The following PKIB variants were observed in gnomAD, a reference collection of about 807,000 sequenced individuals.
PKIB encodes the protein cAMP-dependent protein kinase inhibitor beta.
A neutral mutation model predicts 4.5 loss-of-function variants in PKIB; 2 were observed. The ratio of observed to expected loss-of-function variants is 0.44; its 90% CI spans 0.18 to 1.39. The LOEUF is 1.39. Ranked by LOEUF, PKIB falls within the 40% of genes most tolerant of loss-of-function variation. The pLI is 0.27. For missense variants in PKIB, 94 were observed against 92.6 expected (o/e 1.02, Z -0.06); for synonymous variants, 38 against 36.0 (o/e 1.06, Z -0.20).
chr6:122,667,110 A>C (rs1007103785), intron 2 of PKIB, among the ~76,000 whole-genome samples: 1 of 152,192 alleles, frequency 6.6e-6, no homozygotes, highest in Admixed American at 6.5e-5. Context: ...TTCTGTGAGC[A>C]CAAATGTTTA....
At chr6:122,515,046 C>A (rs1394016001) in intron 2 of PKIB, among the ~76,000 whole-genome samples, 1 of 152,144 alleles carries the variant, frequency 6.6e-6, no homozygotes, top group African/African-American at 2.4e-5. Flanking sequence ...AACTATTTTA[C>A]TTTTACAGCT....
At chr6:122,606,505 G>A (rs1774540690), upstream of PKIB, among the ~76,000 whole-genome samples, 1 of 148,852 alleles carries the variant, frequency 6.7e-6, no homozygotes, top group Admixed American at 6.8e-5. Flanking sequence ...CCAGGAGGCA[G>A]AGGTTGCAGT....
At chr6:122,516,696 C>T (rs1355569801) in intron 2 of PKIB, among the ~76,000 whole-genome samples, 1 of 152,062 alleles carries the variant, frequency 6.6e-6, no homozygotes, top group Non-Finnish European at 1.5e-5. Flanking sequence ...ACATAAAATT[C>T]AGCATTAAGT....
chr6:122,675,373 T>C (rs1777630531), intron 3 of PKIB, among the ~76,000 whole-genome samples: 2 of 152,188 alleles, frequency 1.3e-5, no homozygotes, highest in Non-Finnish European at 2.9e-5. Flanking sequence ...AGCTCATAAA[T>C]ATTTGGTTTA....
At chr6:122,544,625 C>T (rs572168186) in intron 2 of PKIB, among the ~76,000 whole-genome samples, 167 of 151,916 alleles carry the variant, frequency 1.1e-3, no homozygotes, top group East Asian at 1.6e-3. Flanking sequence ...GTGGAGATTT[C>T]CCATATAAAA....
chr6:122,574,038 A>G (rs1244440535), intron 2 of PKIB, among the ~76,000 whole-genome samples: 1 of 152,192 alleles, frequency 6.6e-6, no homozygotes, highest in African/African-American at 2.4e-5. Context: ...GACCCATCCA[A>G]AAAGCTCCTG....
chr6:122,671,964 C>A (rs979305166), intron 2 of PKIB, among the ~76,000 whole-genome samples: 3 of 152,154 alleles, frequency 2.0e-5, no homozygotes, highest in African/African-American at 7.2e-5. Flanking sequence ...ACCTTAATTC[C>A]TGTTAGTTAA....
intron 3 of PKIB, among the ~76,000 whole-genome samples, chr6:122,697,427 T>C (rs9398691): frequency 0.99 from 150,155 of 151,920 alleles, 74,229 homozygotes; most frequent in South Asian, 1. Flanking sequence ...GATTAGGAGA[T>C]GTGCCTTCCT....
intron 1 of PKIB, among the ~76,000 whole-genome samples, chr6:122,616,615 A>G (rs1265941363): frequency 6.6e-6 from 1 of 152,184 alleles, no homozygotes; most frequent in Non-Finnish European, 1.5e-5. Context: ...CTGCTTTCCA[A>G]TAAAGGGGAT....
intron 2 of PKIB, among the ~76,000 whole-genome samples, chr6:122,670,349 T>C (rs887069946): frequency 1.3e-5 from 2 of 152,142 alleles, no homozygotes; most frequent in Non-Finnish European, 2.9e-5. Context: ...TTCCCTACAC[T>C]CGTCTTCCTC....
intron 4 of PKIB, among the ~76,000 whole-genome samples, chr6:122,720,794 C>T (rs536022834): frequency 1.6e-4 from 24 of 151,994 alleles, no homozygotes; most frequent in African/African-American, 2.9e-4. Context: ...CTCTGCCTCC[C>T]GGTTTCAAGC....
At chr6:122,632,786 C>T (rs1280976244) in intron 1 of PKIB, among the ~76,000 whole-genome samples, 2 of 152,006 alleles carry the variant, frequency 1.3e-5, no homozygotes, top group South Asian at 2.1e-4. Context: ...CAAAGATGAA[C>T]GGTTGCAGGG....
At chr6:122,497,176 C>A (rs1337276476) in intron 2 of PKIB, among the ~76,000 whole-genome samples, 1 of 152,126 alleles carries the variant, frequency 6.6e-6, no homozygotes, top group Admixed American at 6.5e-5. Context: ...CAAGAAATCA[C>A]TAGGGGAGTT....
chr6:122,617,336 A>G (rs1393679914), intron 1 of PKIB, among the ~76,000 whole-genome samples: 6 of 152,058 alleles, frequency 3.9e-5, no homozygotes, highest in Non-Finnish European at 8.8e-5. Context: ...TTTTTAGGGG[A>G]AGTGAGGAAT....
chr6:122,723,351 G>C (rs1467970518), intron 4 of PKIB, among the ~76,000 whole-genome samples: 1 of 152,056 alleles, frequency 6.6e-6, no homozygotes, highest in East Asian at 1.9e-4. Flanking sequence ...GTATAAAAGC[G>C]AACTCCAGAT....
chr6:122,689,887 ATC>A (rs1778253037), intron 3 of PKIB, among the ~76,000 whole-genome samples: 1 of 152,070 alleles, frequency 6.6e-6, no homozygotes, highest in African/African-American at 2.4e-5. Flanking sequence ...TTGGGAGTCT[ATC>A]TCTCTCTCCA....
At chr6:122,622,989 G>A (rs1164437183) in intron 1 of PKIB, among the ~76,000 whole-genome samples, 5 of 152,118 alleles carry the variant, frequency 3.3e-5, no homozygotes, top group Non-Finnish European at 7.4e-5. Flanking sequence ...CTGGGTCAAT[G>A]CAAAGTAATT....
rs533553939 is a variant in PKIB, at chr6:122,553,481, CTT to C, written c.-247-32419_-247-32418del. Among the ~76,000 whole-genome samples, 247 of 65,802 alleles carry C rather than the reference CTT, an allele frequency of 3.8e-3. 4 individuals carry two copies. The East Asian group carries it at 0.042, about 11-fold the overall frequency. The allele number at this position is 65,802 out of a possible 152,430, so 43.2% of individuals were successfully genotyped here. A position where few individuals can be genotyped will look rare whatever the true frequency, so the allele number is the denominator to read the frequency against. ...TCTCTCAAGATTGCTCAAATATCTT[CTT>C]TTTTTTTTTTTTTTTTTTTTCTGAA... On this transcript the variant is annotated intron_variant, in intron 2 of 6. Transcript: ENST00000392491.
chr6:122,657,694 T>G (rs192360241), intron 2 of PKIB, among the ~76,000 whole-genome samples: 77 of 152,368 alleles, frequency 5.1e-4, no homozygotes, highest in African/African-American at 1.7e-3. Flanking sequence ...TCCAGAAAAC[T>G]CTGTTGATAT....
Sources: gnomAD v4.1 joint callset for allele counts (sites outside exome capture counted in the v4.1 genomes callset) on GRCh38, gnomAD v4.1.1 for gene constraint, MANE v1.5 for transcripts, NCBI Gene and HGNC (gene_info 2026-07-23, HGNC 2026-07-21) for gene names.